Variants in BLK observed in about 807,000 individuals in gnomAD.
BLK encodes the protein BLK proto-oncogene, Src family tyrosine kinase.
In BLK, 64 loss-of-function variants were observed where a neutral mutation model predicts 61.8. The ratio of observed to expected loss-of-function variants is 1.03; its 90% CI spans 0.85 to 1.27. The LOEUF (loss-of-function observed/expected upper bound fraction) is 1.27, where lower values mean the gene tolerates loss of function less well. Ranked by LOEUF, BLK falls within the 50% of genes most tolerant of loss-of-function variation. BLK has a pLI of 0.00. For synonymous variants in BLK, 351 were observed against 272.0 expected (o/e 1.29, Z -2.86); for missense variants, 853 against 660.5 (o/e 1.29, Z -3.19).
rs575218174 is a variant in BLK at position 11,512,243 on chromosome 8, C to A, written c.-2+17652C>A. Among the ~76,000 whole-genome samples, 3 of 152,166 alleles carry A rather than the reference C, an allele frequency of 2.0e-5. No individual in the cohort carries two copies. In the East Asian group the frequency reaches 5.8e-4, roughly 29 times the overall value. On this transcript the variant is annotated intron_variant, in intron 1 of 12. Coordinates refer to ENST00000259089, the MANE Select transcript of BLK (RefSeq NM_001715.3). ...GGTGATGTGTGGATGACCTCGTGAA[C>A]GAAGACTAGTTCTTCAAGCAGACCT...
intron 7 of BLK, 142 bp from the exon 8 acceptor site, chr8:11,555,190 T>G: frequency 8.7e-7 from 1 of 1,151,154 alleles, no homozygotes; most frequent in South Asian, 1.2e-5. Flanking sequence ...TGAGTGTGTG[T>G]GCATGTGCAG....
chr8:11,537,345 G>A (rs967907449), intron 1 of BLK, among the ~76,000 whole-genome samples: 11 of 152,090 alleles, frequency 7.2e-5, no homozygotes, highest in Non-Finnish European at 1.3e-4. Flanking sequence ...CATTGTGATC[G>A]CGACACCCAG....
At chr8:11,527,670 C>G (rs148869365) in intron 1 of BLK, among the ~76,000 whole-genome samples, 1 of 151,656 alleles carries the variant, frequency 6.6e-6, no homozygotes, top group Non-Finnish European at 1.5e-5. Flanking sequence ...GGAAAATTGC[C>G]CTTGTGAGTG....
In BLK at chr8:11,556,749, GA is replaced by G; in HGVS notation, c.866del (p.Lys289ArgfsTer36). The G allele has an allele frequency of 6.2e-7, 1 of 1,614,236 alleles. No homozygotes were observed. The highest frequency in any genetic ancestry group is 1.1e-5 in the South Asian group (1 of 91,084). On this transcript the variant is annotated frameshift_variant, in exon 9 of 13. Transcript: ENST00000259089. LOFTEE classifies it high-confidence loss of function. ...EAFLGEANVM[K>X]ALQHERLVRL... Reference sequence around the variant, plus strand: ...CCTTTCTGGGTGAGGCCAACGTGATGAAGGCTCTGCAGCACGAGCGGCTGGT... The same window carrying G: ...CCTTTCTGGGTGAGGCCAACGTGATGAGGCTCTGCAGCACGAGCGGCTGGT...
chr8:11,549,713 G>A (rs1309770310), intron 5 of BLK, among the ~76,000 whole-genome samples: 7 of 152,192 alleles, frequency 4.6e-5, no homozygotes, highest in Admixed American at 3.9e-4. Flanking sequence ...AACAGTGTGG[G>A]GAACCGTGGG....
At chr8:11,555,609 A>G in intron 8 of BLK, 125 bp downstream of exon 8, 2 of 1,430,292 alleles carry the variant, frequency 1.4e-6, no homozygotes, top group Non-Finnish European at 9.6e-7. Flanking sequence ...GAGCGAGGAC[A>G]GAGGCGAGGA....
rs1027060196 is a variant in BLK at position 11,543,077 on chromosome 8, C to T, written c.-1-147C>T. ...ATTTAGCTCACCCACCCGCTTCTAC[C>T]CACGTTCTGACTTTGAGGTCTTTGC... On this transcript the variant is annotated intron_variant, in intron 1 of 12. Coordinates refer to ENST00000259089, the MANE Select transcript of BLK (RefSeq NM_001715.3). 7.3e-6 allele frequency: 9 copies of T among 1,241,356 alleles called. No individual in the cohort carries two copies. In the African/African-American group the frequency reaches 1.2e-4, roughly 16 times the overall value. The allele number at this position is 1,241,356 out of a possible 1,614,324, so 76.9% of individuals were successfully genotyped here.
chr8:11,547,045 G>T (rs1211371592), intron 3 of BLK, among the ~76,000 whole-genome samples: 2 of 152,244 alleles, frequency 1.3e-5, no homozygotes, highest in Non-Finnish European at 2.9e-5. Context: ...CATGGGGAAG[G>T]GATGCCTCGG....
chr8:11,558,919 C>A (rs6988443), intron 10 of BLK: 2 of 455,640 alleles, frequency 4.4e-6, no homozygotes, highest in Non-Finnish European at 8.8e-6. Context: ...TACCCAGTAG[C>A]GCCGCTGCAG....
chr8:11,525,708 C>A (rs988388062), intron 1 of BLK, among the ~76,000 whole-genome samples: 1 of 152,134 alleles, frequency 6.6e-6, no homozygotes, highest in African/African-American at 2.4e-5. Flanking sequence ...ACTCATGTGC[C>A]CTCCTCAGAA....
At chr8:11,548,544 C>T (rs532716144) in intron 4 of BLK, among the ~76,000 whole-genome samples, 15 of 152,318 alleles carry the variant, frequency 9.8e-5, no homozygotes, top group Non-Finnish European at 1.6e-4. Context: ...AGCTCATTTC[C>T]CATGTCCTTC....
chr8:11,496,769 G>A (rs1272377999), intron 1 of BLK, among the ~76,000 whole-genome samples: 10 of 152,206 alleles, frequency 6.6e-5, no homozygotes, highest in Non-Finnish European at 1.2e-4. Flanking sequence ...GGAATCTGCC[G>A]TCCTCTGGGC....
chr8:11,563,150 C>T, intron 12 of BLK, 40 bp downstream of exon 12: 2 of 1,612,768 alleles, frequency 1.2e-6, no homozygotes, highest in Non-Finnish European at 1.7e-6. Flanking sequence ...CCCTGCTTTC[C>T]CGGCCGGCCC....
At chr8:11,557,900 G>T in intron 9 of BLK, 62 bp from the exon 10 acceptor site, 2 of 1,503,066 alleles carry the variant, frequency 1.3e-6, no homozygotes, top group East Asian at 4.5e-5. Flanking sequence ...ACCAGAGAGA[G>T]GCTGGCACCA....
intron 1 of BLK, among the ~76,000 whole-genome samples, chr8:11,534,063 G>A (rs936698216): frequency 4.6e-5 from 7 of 152,170 alleles, no homozygotes; most frequent in Non-Finnish European, 8.8e-5. Context: ...CATCACTGGG[G>A]GCATTTTTTA....
intron 11 of BLK, 114 bp from the exon 12 acceptor site, chr8:11,562,865 A>G: frequency 1.4e-6 from 2 of 1,475,890 alleles, no homozygotes; most frequent in Non-Finnish European, 1.9e-6. Flanking sequence ...CCGCCCTGTG[A>G]GGCCCCGCAG....
At chr8:11,504,371 GAAAAGA>G (rs1239270861) in intron 1 of BLK, among the ~76,000 whole-genome samples, 4 of 16,850 alleles carry the variant, frequency 2.4e-4, no homozygotes, top group African/African-American at 5.7e-4. Context: ...AAGGAAGAAA[GAAAAGA>G]AAAGAAAAGA....
intron 9 of BLK, among the ~76,000 whole-genome samples, chr8:11,557,609 G>A (rs1053241743): frequency 1.3e-5 from 2 of 152,156 alleles, no homozygotes; most frequent in African/African-American, 4.8e-5. Context: ...TCAAGGGAGC[G>A]AGGCCAACAC....
intron 1 of BLK, among the ~76,000 whole-genome samples, chr8:11,535,312 G>GAAAGAA (rs1554448116): frequency 7.5e-6 from 1 of 134,100 alleles, no homozygotes; most frequent in Non-Finnish European, 1.7e-5. Flanking sequence ...AAGAAAGAAA[G>GAAAGAA]AAAGAAAGAA....
Sources: gnomAD v4.1 joint callset for allele counts (sites outside exome capture counted in the v4.1 genomes callset) on GRCh38, gnomAD v4.1.1 for gene constraint, MANE v1.5 for transcripts, NCBI Gene and HGNC (gene_info 2026-07-23, HGNC 2026-07-21) for gene names.